Variants in PTGES3L observed in about 807,000 individuals in gnomAD.
The protein encoded by PTGES3L is putative protein PTGES3L.
In PTGES3L, 17 loss-of-function variants were observed where a neutral mutation model predicts 25.0. The observed-to-expected ratio is 0.68, with a 90% CI of 0.47 to 1.02. PTGES3L has a LOEUF of 1.02. PTGES3L is among the 50% of genes least tolerant of loss of function. The probability of loss-of-function intolerance (pLI) is 0.00; values close to 1 mark genes in which losing one functional copy is unlikely to be tolerated. For missense variants in PTGES3L, 202 were observed against 197.5 expected, an observed-to-expected ratio of 1.02 and a Z score of -0.14; for synonymous variants, 59 against 65.7, an observed-to-expected ratio of 0.90 and a Z score of 0.50.
chr17:42,969,243 T>C (rs2049789881), intron 6 of PTGES3L, 57 bp from the exon 7 acceptor site: 3 of 1,015,154 alleles, frequency 3.0e-6, no homozygotes, highest in Admixed American at 2.3e-5. Flanking sequence ...AGCAGGAACA[T>C]TTGTGTTAAC....
At chr17:42,973,184 G>C (rs905166886) in intron 4 of PTGES3L, among the ~76,000 whole-genome samples, 11 of 146,718 alleles carry the variant, frequency 7.5e-5, no homozygotes, top group South Asian at 2.2e-4. Flanking sequence ...CCATCCGGGA[G>C]GGAGGTGGGG....
intron 4 of PTGES3L, among the ~76,000 whole-genome samples, chr17:42,977,153 C>CGG (rs2049968979): frequency 6.6e-6 from 1 of 151,818 alleles, no homozygotes; most frequent in African/African-American, 2.4e-5. Flanking sequence ...TTACCAGGTG[C>CGG]GGTGGCTTAC....
intron 4 of PTGES3L, among the ~76,000 whole-genome samples, chr17:42,975,452 C>T (rs1402651858): frequency 6.6e-6 from 1 of 152,150 alleles, no homozygotes; most frequent in East Asian, 1.9e-4. Flanking sequence ...ACACAACAGT[C>T]TGCTGTGGCT....
chr17:42,970,571 A>G lies in PTGES3L; in HGVS notation c.379-229T>C, dbSNP rs34441888. 1.8e-3 allele frequency among the ~76,000 whole-genome samples: 268 copies of G among 152,286 alleles called. 1 individual carries two copies. The highest frequency in any genetic ancestry group is 2.4e-3 in the Non-Finnish European group (163 of 68,020). ...GCTAGTGTTTTTATAACTGAAACCAAATAATATAACGACAGTGTGTGATTT... is the reference window on the plus strand; with the variant it reads ...GCTAGTGTTTTTATAACTGAAACCAGATAATATAACGACAGTGTGTGATTT... On this transcript the variant is annotated intron_variant, in intron 5 of 6. Transcript: ENST00000591916.
Position 42,980,041 on chromosome 17 carries a change from C to G in PTGES3L, c.8+5G>C. ...AGGGGGAGCACCGGAGCCGGAAACACTCACCGTGCCATTGCGGCTCCCGCT... is the reference window on the plus strand; with the variant it reads ...AGGGGGAGCACCGGAGCCGGAAACAGTCACCGTGCCATTGCGGCTCCCGCT... On this transcript the variant is annotated splice_donor_5th_base_variant and intron_variant, in intron 1 of 6. Transcript: ENST00000591916. The G allele has an allele frequency of 6.5e-7, 1 of 1,549,766 alleles. No individual in the cohort carries two copies. The highest frequency in any genetic ancestry group is 8.7e-7 in the Non-Finnish European group (1 of 1,146,322).
At chr17:42,979,092 T>A (rs2050020895) in intron 4 of PTGES3L, 78 bp downstream of exon 4, 2 of 1,488,944 alleles carry the variant, frequency 1.3e-6, no homozygotes, top group Non-Finnish European at 1.9e-6. Context: ...GAATATTGGC[T>A]GGAAAGGAGG....
chr17:42,969,915 C>T (rs1597733757), intron 6 of PTGES3L, among the ~76,000 whole-genome samples: 1 of 151,450 alleles, frequency 6.6e-6, no homozygotes, highest in African/African-American at 2.4e-5. Flanking sequence ...TCACCTCAGG[C>T]CAGGAGTTCG....
chr17:42,970,676 G>GCGCGCA (rs1490786473), intron 5 of PTGES3L, among the ~76,000 whole-genome samples: 568 of 144,160 alleles, frequency 3.9e-3, no homozygotes, highest in African/African-American at 7.5e-3. Flanking sequence ...CTTAACACGC[G>GCGCGCA]CACACACACA....
At chr17:42,970,199 G>T in intron 6 of PTGES3L, 90 bp downstream of exon 6, 1 of 1,494,250 alleles carries the variant, frequency 6.7e-7, no homozygotes, top group Non-Finnish European at 9.2e-7. Context: ...GAGAACTACT[G>T]TGTGCTAGGA....
chr17:42,971,511 T>C, intron 5 of PTGES3L, 96 bp downstream of exon 5: 1 of 1,382,478 alleles, frequency 7.2e-7, no homozygotes, highest in Non-Finnish European at 1.0e-6. Flanking sequence ...CTTGCATATC[T>C]CTGCTTGGCC....
intron 5 of PTGES3L, among the ~76,000 whole-genome samples, chr17:42,971,114 A>G (rs956817122): frequency 2.6e-5 from 4 of 152,072 alleles, no homozygotes; most frequent in African/African-American, 4.8e-5. Context: ...CCTGGCCAAC[A>G]TGGTGAAACT....
At chr17:42,973,498 A>C (rs973574647) in intron 4 of PTGES3L, among the ~76,000 whole-genome samples, 2 of 151,958 alleles carry the variant, frequency 1.3e-5, no homozygotes, top group African/African-American at 4.8e-5. Context: ...AGGTGTGCCC[A>C]ACAGCTCACT....
intron 4 of PTGES3L, 133 bp from the exon 5 acceptor site, chr17:42,971,829 T>A (rs1331847350): frequency 1.3e-6 from 1 of 741,800 alleles, no homozygotes; most frequent in African/African-American, 1.8e-5. Flanking sequence ...CCAACTGCAC[T>A]CCTTTGACCA....
chr17:42,968,849 C>T lies in PTGES3L; in HGVS notation c.*299G>A. ...TTTGGCTTTTGTTTTGCCACATACACACACATACTCAAATAATCAAGTGGC... is the reference window on the plus strand; with the variant it reads ...TTTGGCTTTTGTTTTGCCACATACATACACATACTCAAATAATCAAGTGGC... On this transcript the variant is annotated 3_prime_UTR_variant, in exon 7 of 7. Coordinates refer to ENST00000591916, the MANE Select transcript of PTGES3L (RefSeq NM_001261430.2). 1 of 356,726 alleles carries T rather than the reference C, an allele frequency of 2.8e-6. No individual in the cohort carries two copies. The highest frequency in any genetic ancestry group is 5.1e-6 in the Non-Finnish European group (1 of 196,940). 22.1% of individuals were successfully genotyped at this position (356,726 alleles called of 1,614,324 possible). A position where few individuals can be genotyped will look rare whatever the true frequency, so the allele number is the denominator to read the frequency against.
At chr17:42,976,444 T>C (rs1265216554) in intron 4 of PTGES3L, among the ~76,000 whole-genome samples, 1 of 152,102 alleles carries the variant, frequency 6.6e-6, no homozygotes, top group Non-Finnish European at 1.5e-5. Flanking sequence ...AGTGGCACGA[T>C]CTCAGCTCAC....
At chr17:42,978,362 G>A (rs1439835785) in intron 4 of PTGES3L, among the ~76,000 whole-genome samples, 3 of 150,544 alleles carry the variant, frequency 2.0e-5, no homozygotes, top group African/African-American at 7.3e-5. Context: ...GGCCAAGATC[G>A]CGCCACTGCA....
At position 42,969,202 on chromosome 17, in the gene PTGES3L, A is replaced by AAG. The variant is rs1567721615; in HGVS notation, c.433-17_433-16insCT. ...CAGAATCATCCTGGGGGCGGGGGGGAAAAAAGACAAAGCACCTGTAGACCC... is the reference window on the plus strand; with the variant it reads ...CAGAATCATCCTGGGGGCGGGGGGGAAGAAAAAGACAAAGCACCTGTAGACCC... On this transcript the variant is annotated splice_polypyrimidine_tract_variant and intron_variant, in intron 6 of 6. Transcript: ENST00000591916. The AAG allele has an allele frequency of 1.3e-5, 17 of 1,347,484 alleles. No individual in the cohort carries two copies. The highest frequency in any genetic ancestry group is 1.6e-5 in the Non-Finnish European group (16 of 977,426). 83.5% of individuals were successfully genotyped at this position (1,347,484 alleles called of 1,614,324 possible).
intron 4 of PTGES3L, among the ~76,000 whole-genome samples, chr17:42,972,894 C>T (rs1485721945): frequency 6.9e-6 from 1 of 145,984 alleles, no homozygotes; most frequent in African/African-American, 2.5e-5. Flanking sequence ...TCTTCCCGGC[C>T]GCCATCACAT....
At chr17:42,971,798 G>GACCTACTGACCCTC in intron 4 of PTGES3L, 102 bp from the exon 5 acceptor site, 1 of 1,126,990 alleles carries the variant, frequency 8.9e-7, no homozygotes, top group Non-Finnish European at 1.3e-6. Context: ...GGAAAAGAGG[G>GACCTACTGACCCTC]TCAGTAGGTC....
Sources: allele counts gnomAD v4.1 joint callset (sites outside exome capture counted in the v4.1 genomes callset), GRCh38; gene constraint gnomAD v4.1.1; transcripts MANE v1.5; gene names NCBI Gene and HGNC (gene_info 2026-07-23, HGNC 2026-07-21).